Variants in PELI2 observed in about 807,000 individuals in gnomAD.
The protein encoded by PELI2 is pellino E3 ubiquitin protein ligase family member 2.
PELI2 carries 23 observed loss-of-function variants against 42.3 expected under a neutral mutation model. The ratio of observed to expected loss-of-function variants is 0.54; its 90% CI spans 0.39 to 0.77. The LOEUF is 0.77. Among genes scored for constraint, PELI2 ranks in the 30% least tolerant of loss-of-function variants. The pLI is 0.00. For synonymous variants in PELI2, 245 were observed against 212.2 expected (o/e 1.15, Z -1.34); for missense variants, 463 against 553.2 (o/e 0.84, Z 1.64).
chr14:56,286,503 AC>A (rs1889650033), intron 3 of PELI2, among the ~76,000 whole-genome samples: 1 of 152,200 alleles, frequency 6.6e-6, no homozygotes, highest in African/African-American at 2.4e-5. Flanking sequence ...CAAAGTTATC[AC>A]TGTAGCTAGT....
chr14:56,252,511 G>C (rs537977817), intron 2 of PELI2, among the ~76,000 whole-genome samples: 1 of 152,288 alleles, frequency 6.6e-6, no homozygotes, highest in South Asian at 2.1e-4. Flanking sequence ...TTTGTCTGGG[G>C]AATAACCTGT....
chr14:56,160,695 CT>C (rs1884728087), intron 1 of PELI2, among the ~76,000 whole-genome samples: 1 of 152,304 alleles, frequency 6.6e-6, no homozygotes, highest in Middle Eastern at 3.4e-3. Context: ...CAATGACAGC[CT>C]CCACCTTTCT....
intron 2 of PELI2, among the ~76,000 whole-genome samples, chr14:56,195,777 T>G (rs1239057270): frequency 6.6e-6 from 1 of 152,214 alleles, no homozygotes; most frequent in African/African-American, 2.4e-5. Flanking sequence ...CTTCTGGTTG[T>G]TTAAATGTGA....
chr14:56,288,028 C>T lies in PELI2; in HGVS notation c.310-409C>T, dbSNP rs1433409876. On this transcript the variant is annotated intron_variant, in intron 3 of 5. Coordinates refer to ENST00000267460, the MANE Select transcript of PELI2 (RefSeq NM_021255.3). This position sits in a 1 kb window ranked among gnomAD's most constrained non-coding sequence, Gnocchi z 4.6. ...CTGATGAGTGGCCAAAGATCTACTC[C>T]TGTCCTCTTAATTGAGCTTTTTCTC... Among the ~76,000 whole-genome samples, 1 of 152,130 alleles carries T rather than the reference C, an allele frequency of 6.6e-6. No homozygotes were observed. The highest frequency in any genetic ancestry group is 2.4e-5 in the African/African-American group (1 of 41,428).
chr14:56,244,890 C>T (rs1336312677), intron 2 of PELI2, among the ~76,000 whole-genome samples: 3 of 152,162 alleles, frequency 2.0e-5, no homozygotes, highest in African/African-American at 7.2e-5. Context: ...TCTGTCTCTT[C>T]CTGGTCAATG....
At chr14:56,122,840 CAT>C (rs1237556454) in intron 1 of PELI2, among the ~76,000 whole-genome samples, 2 of 152,156 alleles carry the variant, frequency 1.3e-5, no homozygotes, top group African/African-American at 2.4e-5. Context: ...CAGAAGTGCA[CAT>C]GTGTATAGCA....
intron 1 of PELI2, among the ~76,000 whole-genome samples, chr14:56,177,989 T>A (rs1426493188): frequency 6.6e-6 from 1 of 152,264 alleles, no homozygotes; most frequent in East Asian, 1.9e-4. Flanking sequence ...CTCTGGGGTC[T>A]ATTAGAATGG....
chr14:56,225,201 G>T (rs568594588), intron 2 of PELI2, among the ~76,000 whole-genome samples: 1 of 152,304 alleles, frequency 6.6e-6, no homozygotes, highest in East Asian at 1.9e-4. Context: ...GGAATTCCGA[G>T]CAGCAGCTGT....
intron 2 of PELI2, among the ~76,000 whole-genome samples, chr14:56,207,307 T>C (rs1356293151): frequency 6.6e-6 from 1 of 152,242 alleles, no homozygotes; most frequent in Non-Finnish European, 1.5e-5. Context: ...TTGACTGCTG[T>C]GTTCTAGTCA....
At chr14:56,167,082 C>G (rs1884992953) in intron 1 of PELI2, among the ~76,000 whole-genome samples, 1 of 152,174 alleles carries the variant, frequency 6.6e-6, no homozygotes, top group East Asian at 1.9e-4. Flanking sequence ...AGCCACCGCG[C>G]CTGGCCTAGG....
At chr14:56,150,438 A>G (rs923222597) in intron 1 of PELI2, among the ~76,000 whole-genome samples, 8 of 152,168 alleles carry the variant, frequency 5.3e-5, no homozygotes, top group Non-Finnish European at 5.9e-5. Context: ...AATTATTTTT[A>G]AGTATACTCA....
In PELI2 at chr14:56,235,277, T is replaced by C. The variant is rs1447915408; in HGVS notation, c.208-44399T>C. ...TGTTACCTGCTAGAGAAGTAAATAA[T>C]ACAAAGGCCTAAAGAAAAAAGATTA... On this transcript the variant is annotated intron_variant, in intron 2 of 5. Coordinates refer to ENST00000267460, the MANE Select transcript of PELI2 (RefSeq NM_021255.3). Among the ~76,000 whole-genome samples the C allele has an allele frequency of 2.0e-5, 3 of 152,006 alleles. No individual in the cohort carries two copies. The East Asian group carries it at 5.8e-4, about 29-fold the overall frequency.
intron 1 of PELI2, among the ~76,000 whole-genome samples, chr14:56,172,473 C>G (rs1016996943): frequency 3.9e-5 from 6 of 152,204 alleles, no homozygotes; most frequent in Admixed American, 1.3e-4. Context: ...TAGACTCCAC[C>G]TCTTAGTGGG....
At chr14:56,294,341 C>T (rs1889930996) in intron 5 of PELI2, among the ~76,000 whole-genome samples, 1 of 152,114 alleles carries the variant, frequency 6.6e-6, no homozygotes. Flanking sequence ...GTGGGCAGTC[C>T]GAGGTAGTGC....
chr14:56,283,673 A>G (rs1428296539), intron 3 of PELI2, among the ~76,000 whole-genome samples: 1 of 152,216 alleles, frequency 6.6e-6, no homozygotes, highest in African/African-American at 2.4e-5. Flanking sequence ...CCAGAAGAGA[A>G]GAGGCATTAG....
At chr14:56,136,017 T>C (rs1883678106) in intron 1 of PELI2, among the ~76,000 whole-genome samples, 1 of 152,220 alleles carries the variant, frequency 6.6e-6, no homozygotes, top group South Asian at 2.1e-4. Flanking sequence ...CATTAGTGAT[T>C]GTTGAATAAC....
intron 1 of PELI2, among the ~76,000 whole-genome samples, chr14:56,168,074 A>T (rs1417528071): frequency 1.3e-5 from 2 of 151,570 alleles, no homozygotes; most frequent in East Asian, 1.9e-4. Context: ...GAGTGACACA[A>T]GCACCCCTGT....
chr14:56,253,700 C>T (rs11158088), intron 2 of PELI2, among the ~76,000 whole-genome samples: 57,879 of 151,912 alleles, frequency 0.38, 12,348 homozygotes, highest in South Asian at 0.53. Context: ...GAAATAAGAG[C>T]GGACACAAGC....
intron 1 of PELI2, among the ~76,000 whole-genome samples, chr14:56,135,899 A>G (rs1431285629): frequency 6.6e-6 from 1 of 152,058 alleles, no homozygotes; most frequent in Non-Finnish European, 1.5e-5. Flanking sequence ...TTTGTAGAGG[A>G]TTTTTTTTAA....
Sources: gnomAD v4.1 joint callset for allele counts (sites outside exome capture counted in the v4.1 genomes callset) on GRCh38, gnomAD v4.1.1 for gene constraint, Gnocchi (gnomAD v3.1) non-coding constraint, MANE v1.5 for transcripts, NCBI Gene and HGNC (gene_info 2026-07-23, HGNC 2026-07-21) for gene names.